The following TMEM69 variants were observed in gnomAD, a reference collection of about 807,000 sequenced individuals.
TMEM69 encodes chromosome 1 open reading frame 154.
TMEM69 carries 17 observed loss-of-function variants against 15.8 expected under a neutral mutation model. That is an observed-to-expected ratio of 1.07 (90% CI 0.73 to 1.61). TMEM69 has a LOEUF of 1.61. TMEM69 is among the 40% of genes most tolerant of loss of function. TMEM69 has a pLI of 0.00. For synonymous variants in TMEM69, 80 were observed against 98.6 expected (o/e 0.81, Z 1.12); for missense variants, 230 against 286.1 (o/e 0.80, Z 1.41).
At chr1:45,690,323 G>A (rs936005493) in intron 1 of TMEM69, among the ~76,000 whole-genome samples, 11 of 152,260 alleles carry the variant, frequency 7.2e-5, no homozygotes, top group African/African-American at 1.2e-4. Flanking sequence ...CCAACATGGC[G>A]AAACCCCATC....
In TMEM69 at chr1:45,693,974, C is replaced by T. The variant is rs898153402; in HGVS notation, c.*69C>T. On this transcript the variant is annotated 3_prime_UTR_variant, in exon 3 of 3. Transcript: ENST00000372025. Reference sequence around the variant, plus strand: ...GCTGCCCCGTCTGGGAAGTGAGGAGCGCCTCTGCCTGGCCGCCTGACCATC... The same window carrying T: ...GCTGCCCCGTCTGGGAAGTGAGGAGTGCCTCTGCCTGGCCGCCTGACCATC... 20 of 1,101,044 alleles carry T rather than the reference C, an allele frequency of 1.8e-5. No homozygotes were observed. The highest frequency in any genetic ancestry group is 1.8e-4 in the East Asian group (7 of 39,430). 68.2% of individuals were successfully genotyped at this position (1,101,044 alleles called of 1,614,324 possible).
At chr1:45,690,845 T>C (rs572656443) in intron 1 of TMEM69, 129 bp from the exon 2 acceptor site, 2 of 576,956 alleles carry the variant, frequency 3.5e-6, no homozygotes, top group Non-Finnish European at 6.2e-6. Flanking sequence ...ATTTTGTTAC[T>C]GTGTTACCGA....
chr1:45,692,124 G>A (rs938834398), intron 2 of TMEM69, among the ~76,000 whole-genome samples: 1 of 152,172 alleles, frequency 6.6e-6, no homozygotes, highest in Admixed American at 6.5e-5. Context: ...TCCAGCCTGG[G>A]TGATAGAGCA....
chr1:45,692,052 GC>G (rs1243299914), intron 2 of TMEM69, among the ~76,000 whole-genome samples: 2 of 152,078 alleles, frequency 1.3e-5, no homozygotes, highest in Admixed American at 6.5e-5. Context: ...GGAGGCTGAG[GC>G]AGAGAATCGC....
intron 1 of TMEM69, among the ~76,000 whole-genome samples, chr1:45,689,239 T>C (rs1645326842): frequency 6.6e-6 from 1 of 152,054 alleles, no homozygotes; most frequent in Admixed American, 6.6e-5. Context: ...GCAGCAACTG[T>C]AGGTTTTTTT....
chr1:45,688,973 G>T (rs896719769), intron 1 of TMEM69, among the ~76,000 whole-genome samples: 5 of 149,538 alleles, frequency 3.3e-5, no homozygotes, highest in Non-Finnish European at 5.9e-5. Flanking sequence ...GCGCGATCTC[G>T]GCTCACTGCA....
Position 45,688,258 on chromosome 1 carries a change from G to C in TMEM69, c.-113G>C, listed in dbSNP as rs895115627. 6 of 152,304 alleles carry C rather than the reference G, an allele frequency of 3.9e-5. No individual in the cohort carries two copies. Among genetic ancestry groups the C allele is most frequent in the South Asian group, 2.1e-4 (1 of 4,820 alleles). The allele number at this position is 152,304 out of a possible 1,614,324, so 9.4% of individuals were successfully genotyped here. On this transcript the variant is annotated 5_prime_UTR_variant, in exon 1 of 3. Coordinates refer to ENST00000372025, the MANE Select transcript of TMEM69 (RefSeq NM_016486.4). ...CCTTCTCTCCGTGCAACGCTGGCAA[G>C]TCTCAAAGTCGCCACAGGTGCAGGT...
At position 45,693,582 on chromosome 1, in the gene TMEM69, G is replaced by C. The variant is rs949639666; in HGVS notation, c.421G>C (p.Gly141Arg). The C allele has an allele frequency of 6.2e-7, 1 of 1,614,120 alleles. No homozygotes were observed. The highest frequency in any genetic ancestry group is 8.5e-7 in the Non-Finnish European group (1 of 1,180,018). Reference sequence around the variant, plus strand: ...TGGAGCCAGTTTCCTATCTTTCTTGGGTGGGATCAGATGGGGTTTTGCTCT... The same window carrying C: ...TGGAGCCAGTTTCCTATCTTTCTTGCGTGGGATCAGATGGGGTTTTGCTCT... ...AYGASFLSFL[G>R]GIRWGFALPE... The change falls in exon 3 of 3, where the codon GGT becomes CGT. Residue 141 changes from glycine (G) to arginine (R), a missense_variant. Physicochemically the swap from Gly to Arg is moderately radical, Grantham distance 125. Transcript: ENST00000372025.
Position 45,693,314 on chromosome 1 carries a change from C to A in TMEM69, c.153C>A (p.Ser51=). The A allele has an allele frequency of 6.2e-7, 1 of 1,614,162 alleles. No homozygotes were observed. Among genetic ancestry groups the A allele is most frequent in the South Asian group, 1.1e-5 (1 of 91,082 alleles). Residue 51 remains serine, a synonymous_variant, in exon 3 of 3, where the codon TCC becomes TCA. Coordinates refer to ENST00000372025, the MANE Select transcript of TMEM69 (RefSeq NM_016486.4). The part of the protein sequence containing the change: ...NFSPCPRPWL[S]SSFPAYMSKT... ...CCCCATGTCCAAGGCCTTGGCTTTC[C>A]TCATCATTTCCAGCGTATATGAGCA... is the stretch of plus-strand genomic sequence containing the variant.
rs1320292464 is a variant in TMEM69, at chr1:45,693,374, TAAAAA to T, written c.214_218del (p.Lys72AlafsTer19). On this transcript the variant is annotated frameshift_variant, in exon 3 of 3. Transcript: ENST00000372025. LOFTEE classifies it high-confidence loss of function. ...GCTATCATACATCCCCCTGCAGCTT[TAAAAA>T]GCAGCAGAAGCAAGCACTTCTAGCC... is the stretch of plus-strand genomic sequence containing the variant. 3 of 1,614,044 alleles carry T rather than the reference TAAAAA, an allele frequency of 1.9e-6. No individual in the cohort carries two copies. The African/African-American group carries it at 4.0e-5, about 22-fold the overall frequency.
chr1:45,693,178 G>A, intron 2 of TMEM69, 26 bp from the exon 3 acceptor site: 1 of 1,492,736 alleles, frequency 6.7e-7, no homozygotes, highest in Non-Finnish European at 9.1e-7. Context: ...TTTTAATTTT[G>A]TCTTTTGGTT....
At position 45,694,165 on chromosome 1, in the gene TMEM69, AG is replaced by A. The variant is rs1420266699; in HGVS notation, c.*261del. 1 of 458,302 alleles carries A rather than the reference AG, an allele frequency of 2.2e-6. No homozygotes were observed. The highest frequency in any genetic ancestry group is 3.8e-6 in the Non-Finnish European group (1 of 260,380). 28.4% of individuals were successfully genotyped at this position (458,302 alleles called of 1,614,324 possible). ...AAATATATATATATAAATACACTGT[AG>A]ATAACATTTGTATGCCAGCTACACC... On this transcript the variant is annotated 3_prime_UTR_variant, in exon 3 of 3. Transcript: ENST00000372025.
chr1:45,691,359 C>A (rs1323768972), intron 2 of TMEM69, among the ~76,000 whole-genome samples: 2 of 151,896 alleles, frequency 1.3e-5, no homozygotes, highest in East Asian at 3.9e-4. Context: ...CAAGACCAGT[C>A]TGGGCACATG....
chr1:45,693,358 C>A lies in TMEM69; in HGVS notation c.197C>A (p.Thr66Lys). ...ATGAGCAAGACACAGTGCTATCATA[C>A]ATCCCCCTGCAGCTTTAAAAAGCAG... is the stretch of plus-strand genomic sequence containing the variant. ...AYMSKTQCYH[T>K]SPCSFKKQQK... is the part of the protein sequence containing the mutation. Residue 66 changes from threonine to lysine, a missense_variant, in exon 3 of 3, where the codon ACA becomes AAA. By Grantham distance (78) the Thr-to-Lys change is moderately conservative. Transcript: ENST00000372025. The A allele has an allele frequency of 6.2e-7, 1 of 1,614,156 alleles. No individual in the cohort carries two copies. The highest frequency in any genetic ancestry group is 8.5e-7 in the Non-Finnish European group (1 of 1,180,030).
At chr1:45,688,606 G>A (rs1018509345) in intron 1 of TMEM69, among the ~76,000 whole-genome samples, 1 of 152,096 alleles carries the variant, frequency 6.6e-6, no homozygotes, top group African/African-American at 2.4e-5. Flanking sequence ...TGGAAAGCAC[G>A]TGCCACAGAG....
intron 2 of TMEM69, 90 bp downstream of exon 2, chr1:45,691,200 C>T: frequency 9.2e-7 from 1 of 1,086,768 alleles, no homozygotes; most frequent in South Asian, 1.3e-5. Context: ...AATCCTTACC[C>T]TTGTATATTC....
intron 1 of TMEM69, among the ~76,000 whole-genome samples, chr1:45,690,032 A>G (rs373158120): frequency 6.6e-6 from 1 of 152,258 alleles, no homozygotes; most frequent in South Asian, 2.1e-4. Flanking sequence ...ATGAATTAGT[A>G]TCCATATTTC....
At chr1:45,689,227 A>C (rs755662232) in intron 1 of TMEM69, among the ~76,000 whole-genome samples, 17 of 152,068 alleles carry the variant, frequency 1.1e-4, no homozygotes, top group Non-Finnish European at 2.5e-4. Flanking sequence ...TTTTAAAATT[A>C]AGCAGCAACT....
chr1:45,692,917 T>C (rs1481332710), intron 2 of TMEM69, among the ~76,000 whole-genome samples: 2 of 152,216 alleles, frequency 1.3e-5, no homozygotes, highest in Admixed American at 6.5e-5. Flanking sequence ...CTTTCAGATA[T>C]TTTTCTCATG....
Sources: gnomAD v4.1 joint callset for allele counts (sites outside exome capture counted in the v4.1 genomes callset) on GRCh38, gnomAD v4.1.1 for gene constraint, MANE v1.5 for transcripts, NCBI Gene and HGNC (gene_info 2026-07-23, HGNC 2026-07-21) for gene names.